The following KAZN variants were observed in gnomAD, a reference collection of about 807,000 sequenced individuals.
KAZN encodes kazrin.
A neutral mutation model predicts 87.4 loss-of-function variants in KAZN; 40 were observed. That is an observed-to-expected ratio of 0.46 (90% CI 0.36 to 0.60). The LOEUF is 0.60. Ranked by LOEUF, KAZN falls within the 20% of genes least tolerant of loss-of-function variation. The pLI, the probability that KAZN is intolerant of heterozygous loss-of-function variation, is 0.00. For synonymous variants in KAZN, 466 were observed against 458.3 expected, an observed-to-expected ratio of 1.02 and a Z score of -0.22; for missense variants, 898 against 1,073.9, an observed-to-expected ratio of 0.84 and a Z score of 2.29.
chr1:14,570,376 C>G (rs1674789764), intron 2 of KAZN, among the ~76,000 whole-genome samples: 1 of 152,172 alleles, frequency 6.6e-6, no homozygotes, highest in Non-Finnish European at 1.5e-5. Context: ...AAACCTTGTA[C>G]CTTTTTACCC....
Position 14,469,949 on chromosome 1 carries a change from C to T in KAZN, c.250-129034C>T, listed in dbSNP as rs189656565. On this transcript the variant is annotated intron_variant, in intron 2 of 16. Transcript: ENST00000636203. ...TTTATAAAACACAAAGAAATAGTGT[C>T]ATGGTTGGGAGCCAAATGGATGGTG... is the stretch of plus-strand genomic sequence containing the variant. Among the ~76,000 whole-genome samples the T allele has an allele frequency of 1.8e-3, 267 of 152,192 alleles. 1 individual carries two copies. The highest frequency in any genetic ancestry group is 5.4e-3 in the Admixed American group (83 of 15,282).
At chr1:15,060,463 G>T in intron 6 of KAZN, 161 bp downstream of exon 6, 1 of 967,266 alleles carries the variant, frequency 1.0e-6, no homozygotes. Context: ...TGCAAGAAGC[G>T]ATGGATGTGG....
At chr1:14,713,805 G>GAAAGAAAGA (rs1642627926) in intron 1 of KAZN, among the ~76,000 whole-genome samples, 1 of 115,180 alleles carries the variant, frequency 8.7e-6, no homozygotes, top group Non-Finnish European at 1.8e-5. Context: ...AAAAAAGAAA[G>GAAAGAAAGA]AATAATTAGG....
chr1:15,094,469 C>T lies in KAZN; in HGVS notation c.1428+84C>T. 7.7e-7 allele frequency: 1 copy of T among 1,295,080 alleles called. No homozygotes were observed. The highest frequency in any genetic ancestry group is 1.1e-6 in the Non-Finnish European group (1 of 929,754). The allele number at this position is 1,295,080 out of a possible 1,614,324, so 80.2% of individuals were successfully genotyped here. A position where few individuals can be genotyped will look rare whatever the true frequency, so the allele number is the denominator to read the frequency against. On this transcript the variant is annotated intron_variant, in intron 9 of 14. Coordinates refer to ENST00000376030, the MANE Select transcript of KAZN (RefSeq NM_201628.3). The surrounding 1 kb of genome is among the most constrained non-coding windows in gnomAD (Gnocchi z 4.5). The stretch of plus-strand genomic sequence containing the variant: ...CCCAGAAGCTGGCCTGCCCCCCACT[C>T]CTACCCTGGAGTCAGGAGAAGGTGC...
At chr1:14,702,618 A>G (rs1641995997) in intron 1 of KAZN, among the ~76,000 whole-genome samples, 1 of 152,156 alleles carries the variant, frequency 6.6e-6, no homozygotes. Context: ...GTGATACACA[A>G]TACACAGAGT....
chr1:14,527,943 C>T (rs1671979438), intron 2 of KAZN, among the ~76,000 whole-genome samples: 1 of 152,126 alleles, frequency 6.6e-6, no homozygotes, highest in African/African-American at 2.4e-5. Context: ...GCACTTCATT[C>T]ACTTGTCTGG....
chr1:13,934,968 G>A (rs1640665187), intron 1 of KAZN, among the ~76,000 whole-genome samples: 1 of 152,116 alleles, frequency 6.6e-6, no homozygotes, highest in South Asian at 2.1e-4. Flanking sequence ...CGGGTGTGGT[G>A]GCTTACGCCT....
chr1:14,833,700 G>T (rs992118483), intron 1 of KAZN, among the ~76,000 whole-genome samples: 1 of 152,090 alleles, frequency 6.6e-6, no homozygotes, highest in Non-Finnish European at 1.5e-5. Flanking sequence ...GTGCCCGGGG[G>T]AAAGCATGAG....
At chr1:14,332,729 G>A (rs1656940294) in intron 2 of KAZN, among the ~76,000 whole-genome samples, 3 of 152,022 alleles carry the variant, frequency 2.0e-5, no homozygotes, top group African/African-American at 7.2e-5. Flanking sequence ...TTTGGCCTTG[G>A]GCAAGTCACT....
intron 2 of KAZN, among the ~76,000 whole-genome samples, chr1:14,356,489 A>C (rs1043587640): frequency 9.2e-5 from 14 of 152,010 alleles, no homozygotes; most frequent in Non-Finnish European, 1.5e-4. Flanking sequence ...TTTAGTCATG[A>C]AGTTTTTGCC....
chr1:14,655,145 T>G (rs1277634673), intron 1 of KAZN, among the ~76,000 whole-genome samples: 1 of 137,050 alleles, frequency 7.3e-6, no homozygotes, highest in Admixed American at 6.9e-5. Flanking sequence ...CTGCACTTTG[T>G]GAACACTCAT....
intron 2 of KAZN, among the ~76,000 whole-genome samples, chr1:14,182,181 C>T (rs1646212365): frequency 6.6e-6 from 1 of 152,008 alleles, no homozygotes; most frequent in Non-Finnish European, 1.5e-5. Context: ...TTCTCCTGAT[C>T]CCAAATCGAT....
At chr1:14,417,530 A>T (rs1248206600) in intron 2 of KAZN, among the ~76,000 whole-genome samples, 1 of 152,194 alleles carries the variant, frequency 6.6e-6, no homozygotes, top group African/African-American at 2.4e-5. Context: ...ATCAGCTCAA[A>T]TGACAATCAC....
chr1:14,352,629 A>G (rs188406059), intron 2 of KAZN, among the ~76,000 whole-genome samples: 3 of 152,340 alleles, frequency 2.0e-5, no homozygotes, highest in Admixed American at 6.5e-5. Context: ...AATTCCTTCA[A>G]CAACCTATTT....
intron 1 of KAZN, among the ~76,000 whole-genome samples, chr1:14,653,683 G>C (rs1005125215): frequency 6.6e-6 from 1 of 152,218 alleles, no homozygotes; most frequent in African/African-American, 2.4e-5. Context: ...AGGATAAAAT[G>C]AGTCAAGGCT....
At chr1:15,031,830 C>T (rs915594935) in intron 2 of KAZN, among the ~76,000 whole-genome samples, 1 of 152,078 alleles carries the variant, frequency 6.6e-6, no homozygotes, top group African/African-American at 2.4e-5. Flanking sequence ...AGGCTAGTCT[C>T]GAGCTCCTGG....
chr1:14,381,185 G>A (rs1039649516), intron 2 of KAZN, among the ~76,000 whole-genome samples: 1 of 152,058 alleles, frequency 6.6e-6, no homozygotes, highest in Admixed American at 6.6e-5. Context: ...ATGACAAAGG[G>A]ATTGATACAT....
chr1:14,732,149 A>G (rs967516575), intron 1 of KAZN, among the ~76,000 whole-genome samples: 2 of 152,206 alleles, frequency 1.3e-5, no homozygotes, highest in African/African-American at 4.8e-5. Flanking sequence ...CCATTCCGCT[A>G]CATTCCCTTT....
intron 8 of KAZN, among the ~76,000 whole-genome samples, chr1:15,082,660 G>C (rs4501834): frequency 0.32 from 48,111 of 152,046 alleles, 9,430 homozygotes; most frequent in East Asian, 0.91. Context: ...AATTTACAAG[G>C]CCTTTACCTC....
Sources: allele counts gnomAD v4.1 joint callset (sites outside exome capture counted in the v4.1 genomes callset), GRCh38; gene constraint gnomAD v4.1.1; non-coding constraint Gnocchi (gnomAD v3.1); transcripts MANE v1.5; gene names NCBI Gene and HGNC (gene_info 2026-07-23, HGNC 2026-07-21).